Variants in BPIFA2 observed in about 807,000 individuals in gnomAD.
BPIFA2 encodes BPI fold containing family A member 2.
Under a neutral mutation model 25.7 loss-of-function variants are expected in BPIFA2, and 20 were observed. That is an observed-to-expected ratio of 0.78 (90% confidence interval 0.55 to 1.13). The LOEUF (loss-of-function observed/expected upper bound fraction) is 1.13. Among genes scored for constraint, BPIFA2 ranks in the 50% most tolerant of loss-of-function variants. BPIFA2 has a pLI of 0.00. For synonymous variants in BPIFA2, 126 were observed against 124.3 expected, an observed-to-expected ratio of 1.01 and a Z score of -0.09; for missense variants, 300 against 298.1, an observed-to-expected ratio of 1.01 and a Z score of -0.05.
upstream of BPIFA2, among the ~76,000 whole-genome samples, chr20:33,165,105 G>A (rs929820179): frequency 6.6e-6 from 1 of 152,232 alleles, no homozygotes; most frequent in Non-Finnish European, 1.5e-5. Flanking sequence ...ATTACCAAAA[G>A]TTGAATTAAA....
At chr20:33,167,411 G>A (rs773576754), upstream of BPIFA2, among the ~76,000 whole-genome samples, 2 of 152,156 alleles carry the variant, frequency 1.3e-5, no homozygotes, top group Non-Finnish European at 2.9e-5. Context: ...TCTGCTAACT[G>A]ACCTCAGCCT....
chr20:33,167,372 AG>A (rs1481119336), upstream of BPIFA2, among the ~76,000 whole-genome samples: 1 of 152,188 alleles, frequency 6.6e-6, no homozygotes, highest in African/African-American at 2.4e-5. Context: ...AAGCAAAAAC[AG>A]GATACTCAGG....
intron 5 of BPIFA2, among the ~76,000 whole-genome samples, chr20:33,177,636 A>C (rs1024516750): frequency 1.3e-5 from 2 of 152,208 alleles, no homozygotes; most frequent in Non-Finnish European, 2.9e-5. Flanking sequence ...TGCAGAAAGC[A>C]TTACCCTTAA....
chr20:33,170,674 G>A (rs112290183), intron 2 of BPIFA2, among the ~76,000 whole-genome samples: 2,197 of 152,268 alleles, frequency 0.014, 45 homozygotes, highest in African/African-American at 0.049. Flanking sequence ...GATTACAGGC[G>A]TGAGCCACCA....
intron 5 of BPIFA2, among the ~76,000 whole-genome samples, chr20:33,177,562 A>G (rs900929401): frequency 2.0e-5 from 3 of 152,164 alleles, no homozygotes; most frequent in Admixed American, 2.0e-4. Flanking sequence ...TTTTCTTTGC[A>G]CTTTGGATCC....
chr20:33,173,420 G>A (rs1983969399), intron 3 of BPIFA2, among the ~76,000 whole-genome samples: 1 of 152,184 alleles, frequency 6.6e-6, no homozygotes, highest in Non-Finnish European at 1.5e-5. Flanking sequence ...TAAAAGCCCA[G>A]ATCCCCTTAG....
chr20:33,162,918 C>T lies in BPIFA2; in HGVS notation c.-16+1020C>T, dbSNP rs943211833. Reference sequence around the variant, plus strand: ...ATTCAGTGCTTAAAGGAAGGACCTTCACCAGGGCTGGGCACTGTGCCAGGG... The same window carrying T: ...ATTCAGTGCTTAAAGGAAGGACCTTTACCAGGGCTGGGCACTGTGCCAGGG... On this transcript the variant is annotated intron_variant, in intron 1 of 8. Coordinates refer to the BPIFA2 transcript ENST00000253362. Among the ~76,000 whole-genome samples, 11 of 152,366 alleles carry T rather than the reference C, an allele frequency of 7.2e-5. No homozygotes were observed. The East Asian group carries it at 2.1e-3, about 29-fold the overall frequency.
chr20:33,176,891 A>G (rs921540550), intron 5 of BPIFA2, among the ~76,000 whole-genome samples: 20 of 151,872 alleles, frequency 1.3e-4, no homozygotes, highest in African/African-American at 4.6e-4. Context: ...CTGGCTACCT[A>G]GAGCACCTTC....
intron 1 of BPIFA2, among the ~76,000 whole-genome samples, chr20:33,163,040 C>T (rs531080906): frequency 2.0e-5 from 3 of 152,306 alleles, no homozygotes; most frequent in African/African-American, 4.8e-5. Context: ...TGCGTGTTGG[C>T]CTCTGCCCCT....
upstream of BPIFA2, among the ~76,000 whole-genome samples, chr20:33,163,207 T>G (rs1467694983): frequency 6.6e-6 from 1 of 152,210 alleles, no homozygotes; most frequent in Non-Finnish European, 1.5e-5. Flanking sequence ...TTCTTGTGAT[T>G]CTGGGTCTCA....
intron 2 of BPIFA2, among the ~76,000 whole-genome samples, chr20:33,171,684 T>C (rs976496909): frequency 1.3e-5 from 2 of 152,056 alleles, no homozygotes; most frequent in Non-Finnish European, 2.9e-5. Flanking sequence ...AAAACCACAA[T>C]GAGATACCAT....
intron 3 of BPIFA2, 132 bp downstream of exon 3, chr20:33,173,208 C>A: frequency 9.4e-7 from 1 of 1,063,806 alleles, no homozygotes; most frequent in Non-Finnish European, 1.3e-6. Flanking sequence ...GTGGTCTGAG[C>A]AAGGCCAGAC....
Position 33,174,125 on chromosome 20 carries a change from A to G in BPIFA2, c.349A>G (p.Ile117Val). The change falls in exon 4 of 9, where the codon ATC becomes GTC. Residue 117 changes from isoleucine (I) to valine (V), a missense_variant. Coordinates refer to ENST00000354932, the MANE Select transcript of BPIFA2 (RefSeq NM_080574.4). The stretch of plus-strand genomic sequence containing the variant: ...CATCCTGGATGTCAAAGCTGAACCG[A>G]TCGATGATGGCAAAGGCCTTAACCT... ...SLILDVKAEPIDDGKGLNLSF... is the reference protein window; with the variant it reads ...SLILDVKAEPVDDGKGLNLSF... 1 of 1,614,188 alleles carries G rather than the reference A, an allele frequency of 6.2e-7. No individual in the cohort carries two copies. The highest frequency in any genetic ancestry group is 8.5e-7 in the Non-Finnish European group (1 of 1,180,028).
chr20:33,164,966 C>G (rs1490081574), upstream of BPIFA2, among the ~76,000 whole-genome samples: 1 of 152,260 alleles, frequency 6.6e-6, no homozygotes, highest in Non-Finnish European at 1.5e-5. Context: ...GGAAGTGGCT[C>G]TCCATATTCT....
chr20:33,174,023 G>A (rs1341108793), intron 3 of BPIFA2, 56 bp from the exon 4 acceptor site: 2 of 1,458,406 alleles, frequency 1.4e-6, no homozygotes, highest in Non-Finnish European at 1.9e-6. Context: ...CCAGGGAAGT[G>A]GTTGGCAAGT....
At chr20:33,162,919 A>G (rs961684897) in intron 1 of BPIFA2, among the ~76,000 whole-genome samples, 9 of 152,230 alleles carry the variant, frequency 5.9e-5, no homozygotes, top group African/African-American at 1.7e-4. Context: ...AAGGACCTTC[A>G]CCAGGGCTGG....
chr20:33,166,355 A>G (rs1476118405), upstream of BPIFA2, among the ~76,000 whole-genome samples: 1 of 152,130 alleles, frequency 6.6e-6, no homozygotes, highest in Non-Finnish European at 1.5e-5. Flanking sequence ...GTCCCAGTAA[A>G]CCCATAGTAA....
rs1290925617 is a variant in BPIFA2, at chr20:33,169,284, G to A, written c.139G>A (p.Val47Ile). Reference protein sequence around the residue: ...EPVLHEGLETVDNTLKGILEK... With the variant: ...EPVLHEGLETIDNTLKGILEK... ...TGTTCTTCACGAGGGACTTGAGACA[G>A]TTGACAATACTCTTAAAGGTAAATC... Residue 47 changes from valine (V) to isoleucine (I), a missense_variant, in exon 2 of 9, where the codon GTT becomes ATT. By Grantham distance (29) the Val-to-Ile change is conservative. Coordinates refer to ENST00000354932, the MANE Select transcript of BPIFA2 (RefSeq NM_080574.4). 6.2e-7 allele frequency: 1 copy of A among 1,614,086 alleles called. No individual in the cohort carries two copies. Among genetic ancestry groups the A allele is most frequent in the Non-Finnish European group, 8.5e-7 (1 of 1,179,932 alleles).
intron 1 of BPIFA2, 52 bp from the exon 2 acceptor site, chr20:33,169,079 G>A: frequency 6.9e-7 from 1 of 1,450,412 alleles, no homozygotes; most frequent in Non-Finnish European, 9.6e-7. Flanking sequence ...TCACTGAAGA[G>A]TCCATTTCCC....
Sources: gnomAD v4.1 joint callset for allele counts (sites outside exome capture counted in the v4.1 genomes callset) on GRCh38, gnomAD v4.1.1 for gene constraint, MANE v1.5 for transcripts, NCBI Gene and HGNC (gene_info 2026-07-23, HGNC 2026-07-21) for gene names.